GPC6: variants seen among roughly 807,000 people sequenced by gnomAD.
GPC6 encodes glypican-6.
Under a neutral mutation model 55.2 loss-of-function variants are expected in GPC6, and 14 were observed. The ratio of observed to expected loss-of-function variants is 0.25; its 90% CI spans 0.17 to 0.40. The LOEUF is 0.40. Ranked by LOEUF, GPC6 falls within the 10% of genes least tolerant of loss-of-function variation. GPC6 has a pLI of 1.00. For synonymous variants in GPC6, 278 were observed against 259.6 expected, an observed-to-expected ratio of 1.07 and a Z score of -0.68; for missense variants, 641 against 708.5, an observed-to-expected ratio of 0.90 and a Z score of 1.08.
chr13:93,386,022 G>A (rs972539580), intron 1 of GPC6, among the ~76,000 whole-genome samples: 1 of 147,576 alleles, frequency 6.8e-6, no homozygotes. Context: ...CATTACTGCT[G>A]TTCCTCAGTC....
At chr13:93,551,592 C>T (rs1314237755) in intron 2 of GPC6, among the ~76,000 whole-genome samples, 1 of 152,164 alleles carries the variant, frequency 6.6e-6, no homozygotes, top group Non-Finnish European at 1.5e-5. Context: ...AGAATTGCCA[C>T]ACTGTCTTCC....
chr13:94,152,161 A>G (rs1887765066), intron 4 of GPC6, among the ~76,000 whole-genome samples: 2 of 152,164 alleles, frequency 1.3e-5, no homozygotes, highest in African/African-American at 4.8e-5. Context: ...TGAGTTTTGG[A>G]AGCTCCCCTG....
At chr13:93,940,873 G>T (rs1878701500) in intron 3 of GPC6, among the ~76,000 whole-genome samples, 1 of 152,096 alleles carries the variant, frequency 6.6e-6, no homozygotes, top group African/African-American at 2.4e-5. Context: ...TGGCGGGAGG[G>T]GTGGAGAATA....
At chr13:93,883,397 C>T (rs1875119387) in intron 3 of GPC6, among the ~76,000 whole-genome samples, 1 of 152,160 alleles carries the variant, frequency 6.6e-6, no homozygotes. Context: ...CATATACCAG[C>T]AGTGTAGAAG....
intron 5 of GPC6, among the ~76,000 whole-genome samples, chr13:94,297,435 G>A (rs940664960): frequency 2.6e-5 from 4 of 152,056 alleles, no homozygotes; most frequent in African/African-American, 9.7e-5. Context: ...CAGGCCAAGA[G>A]GATTAGGGCT....
At chr13:93,551,934 C>T (rs1414324662) in intron 2 of GPC6, among the ~76,000 whole-genome samples, 1 of 152,140 alleles carries the variant, frequency 6.6e-6, no homozygotes, top group Non-Finnish European at 1.5e-5. Context: ...CTACAACATA[C>T]ACCCCTCTAT....
intron 3 of GPC6, among the ~76,000 whole-genome samples, chr13:93,885,776 AT>A (rs1875288173): frequency 6.6e-6 from 1 of 152,130 alleles, no homozygotes; most frequent in South Asian, 2.1e-4. Flanking sequence ...TCTATTTCAT[AT>A]TTTTTACAAT....
chr13:94,272,463 C>CTTTTTTTTTTTTTTTTTT (rs555664508), intron 4 of GPC6, among the ~76,000 whole-genome samples: 3 of 85,746 alleles, frequency 3.5e-5, no homozygotes, highest in African/African-American at 5.6e-5. Context: ...CTTTTCTTTT[C>CTTTTTTTTTTTTTTTTTT]TTTTTTTTTT....
chr13:94,350,034 T>C (rs1878463024), intron 6 of GPC6, among the ~76,000 whole-genome samples: 1 of 151,720 alleles, frequency 6.6e-6, no homozygotes, highest in Non-Finnish European at 1.5e-5. Flanking sequence ...TCGGAAGATG[T>C]GCAAAGAAAA....
At chr13:94,340,804 T>A in intron 6 of GPC6, among the ~76,000 whole-genome samples, 1 of 152,228 alleles carries the variant, frequency 6.6e-6, no homozygotes, top group East Asian at 1.9e-4. Context: ...AAAAGGATTA[T>A]CCAGTGTGCA....
chr13:93,524,597 A>G (rs1404003951), intron 1 of GPC6, among the ~76,000 whole-genome samples: 1 of 152,064 alleles, frequency 6.6e-6, no homozygotes, highest in South Asian at 2.1e-4. Flanking sequence ...CCCTTTATTC[A>G]AGTCACTTTA....
Position 93,699,250 on chromosome 13 carries a change from T to C in GPC6, c.320-130904T>C, listed in dbSNP as rs550614964. Among the ~76,000 whole-genome samples, 3 of 152,076 alleles carry C rather than the reference T, an allele frequency of 2.0e-5. No individual in the cohort carries two copies. In the South Asian group the frequency reaches 6.2e-4, roughly 32 times the overall value. Reference sequence around the variant, plus strand: ...TTAAGTTGACACATTTATCCATGGGTGATAAATTTAAATTAAAGAGAGAAG... The same window carrying C: ...TTAAGTTGACACATTTATCCATGGGCGATAAATTTAAATTAAAGAGAGAAG... On this transcript the variant is annotated intron_variant, in intron 2 of 8. Coordinates refer to ENST00000377047, the MANE Select transcript of GPC6 (RefSeq NM_005708.5).
chr13:93,485,644 G>T (rs1335891569), intron 1 of GPC6, among the ~76,000 whole-genome samples: 1 of 152,172 alleles, frequency 6.6e-6, no homozygotes, highest in Non-Finnish European at 1.5e-5. Context: ...TGAGTGTTGA[G>T]AAAGCAAAAT....
At chr13:93,396,334 G>A (rs903412398) in intron 1 of GPC6, among the ~76,000 whole-genome samples, 1 of 152,158 alleles carries the variant, frequency 6.6e-6, no homozygotes, top group Admixed American at 6.5e-5. Context: ...GGAGGCCGAG[G>A]TGGGCGGATC....
intron 3 of GPC6, among the ~76,000 whole-genome samples, chr13:93,911,428 G>GTGTT (rs1207430092): frequency 2.0e-5 from 3 of 152,120 alleles, no homozygotes; most frequent in Non-Finnish European, 4.4e-5. Flanking sequence ...GTGTGTGTGT[G>GTGTT]TGTGTGTGTA....
chr13:93,687,857 C>G (rs1019291036), intron 2 of GPC6, among the ~76,000 whole-genome samples: 2 of 151,370 alleles, frequency 1.3e-5, no homozygotes, highest in Non-Finnish European at 2.9e-5. Flanking sequence ...ATTAAGGTAC[C>G]TTAATATTTC....
chr13:94,166,238 C>T (rs1057005235), intron 4 of GPC6, among the ~76,000 whole-genome samples: 4 of 152,160 alleles, frequency 2.6e-5, no homozygotes, highest in African/African-American at 4.8e-5. Context: ...ATGCATTAAA[C>T]TTCTAAAGAT....
intron 6 of GPC6, among the ~76,000 whole-genome samples, chr13:94,324,266 T>C (rs903231324): frequency 6.7e-6 from 1 of 148,432 alleles, no homozygotes; most frequent in African/African-American, 2.5e-5. Flanking sequence ...GCAGCGTACA[T>C]GCCTGTGGCC....
At chr13:93,556,441 G>T (rs1241509923) in intron 2 of GPC6, among the ~76,000 whole-genome samples, 1 of 139,502 alleles carries the variant, frequency 7.2e-6, no homozygotes, top group Non-Finnish European at 1.5e-5. Context: ...TATTTTGGGG[G>T]TACATGAGAT....
Sources: allele counts gnomAD v4.1 joint callset (sites outside exome capture counted in the v4.1 genomes callset), GRCh38; gene constraint gnomAD v4.1.1; transcripts MANE v1.5; gene names NCBI Gene and HGNC (gene_info 2026-07-23, HGNC 2026-07-21).